The following NSD2 variants were observed in gnomAD, a reference collection of about 807,000 sequenced individuals.
NSD2 encodes the protein nuclear receptor binding SET domain protein 2.
A neutral mutation model predicts 139.0 loss-of-function variants in NSD2; 12 were observed. That is an observed-to-expected ratio of 0.09 (90% CI 0.06 to 0.14). The LOEUF (loss-of-function observed/expected upper bound fraction) is 0.14. NSD2 is among the 10% of genes least tolerant of loss of function. The pLI is 1.00. For synonymous variants in NSD2, 669 were observed against 648.7 expected (o/e 1.03, Z -0.48); for missense variants, 1,155 against 1,745.0 (o/e 0.66, Z 6.02).
At chr4:1,975,144 C>CT in intron 19 of NSD2, 140 bp downstream of exon 19, 1 of 1,460,148 alleles carries the variant, frequency 6.8e-7, no homozygotes, top group East Asian at 2.3e-5. Context: ...TTGAATATCT[C>CT]TTTTACCAAG....
Position 1,892,598 on chromosome 4 carries a change from C to T in NSD2, c.-29-8028C>T, listed in dbSNP as rs563347541. ...TTTTTTTTTTTGAGACGGAGTCTTGCCCTGTCGCCCAGGCTGGAGTGTAGT... is the reference window on the plus strand; with the variant it reads ...TTTTTTTTTTTGAGACGGAGTCTTGTCCTGTCGCCCAGGCTGGAGTGTAGT... On this transcript the variant is annotated intron_variant, in intron 1 of 21. Coordinates refer to ENST00000508803, the MANE Select transcript of NSD2 (RefSeq NM_001042424.3). Among the ~76,000 whole-genome samples, 214 of 152,048 alleles carry T rather than the reference C, an allele frequency of 1.4e-3. 3 individuals are homozygous for T. The highest frequency in any genetic ancestry group is 0.014 in the South Asian group (65 of 4,812).
chr4:1,943,481 T>C, intron 9 of NSD2: 1 of 1,045,782 alleles, frequency 9.6e-7, no homozygotes, highest in Non-Finnish European at 1.2e-6. Flanking sequence ...TGCTTTGGCA[T>C]GAAAAGTGGT....
At chr4:1,899,837 A>C (rs1374980325) in intron 1 of NSD2, among the ~76,000 whole-genome samples, 1 of 152,222 alleles carries the variant, frequency 6.6e-6, no homozygotes, top group Non-Finnish European at 1.5e-5. Flanking sequence ...GTGGCTCAGC[A>C]GTGTTGTTCT....
At chr4:1,925,130 G>C (rs1720695661) in intron 5 of NSD2, among the ~76,000 whole-genome samples, 1 of 152,178 alleles carries the variant, frequency 6.6e-6, no homozygotes, top group East Asian at 1.9e-4. Context: ...TTCTAAACTT[G>C]AGGAAGCTCC....
At chr4:1,889,124 C>G (rs1223383564) in intron 1 of NSD2, among the ~76,000 whole-genome samples, 1 of 152,056 alleles carries the variant, frequency 6.6e-6, no homozygotes, top group Non-Finnish European at 1.5e-5. Context: ...TCTGGAACTC[C>G]TGACCTCAGG....
In NSD2 at chr4:1,918,565, G is replaced by A. The variant is rs528156709; in HGVS notation, c.1352G>A (p.Ser451Asn). The change falls in exon 5 of 22, where the codon AGC (serine) becomes AAC (asparagine). Residue 451 changes from serine (S) to asparagine (N), a missense_variant. Ser to Asn is a conservative substitution (Grantham distance 46). Transcript: ENST00000508803. ...RKKTTVSMPRSRKGDAASQFL... is the reference protein window; with the variant it reads ...RKKTTVSMPRNRKGDAASQFL... Reference sequence around the variant, plus strand: ...AAGACCACAGTCTCCATGCCACGAAGCAGGAAGGGAGATGCAGCATCCCAG... The same window carrying A: ...AAGACCACAGTCTCCATGCCACGAAACAGGAAGGGAGATGCAGCATCCCAG... 3.7e-6 allele frequency: 6 copies of A among 1,613,968 alleles called. No individual in the cohort carries two copies. The East Asian group carries it at 1.1e-4, about 30-fold the overall frequency.
In NSD2 at chr4:1,872,591, T is replaced by TGTGTGTGTGAGAGAGA. The variant is rs1281608141; in HGVS notation, c.-30+1050_-30+1051insTGTGTGTGAGAGAGAG. ...GTGTGTGTGTGTGTGTGTGTGTGTG[T>TGTGTGTGTGAGAGAGA]GAGAGAGAGAGAGAGAGAGAGAGAG... is the stretch of plus-strand genomic sequence containing the variant. On this transcript the variant is annotated intron_variant, in intron 1 of 21. Coordinates refer to ENST00000508803, the MANE Select transcript of NSD2 (RefSeq NM_001042424.3). Among the ~76,000 whole-genome samples the TGTGTGTGTGAGAGAGA allele has an allele frequency of 5.3e-4, 24 of 44,888 alleles. 1 individual carries two copies. Among genetic ancestry groups the TGTGTGTGTGAGAGAGA allele is most frequent in the Admixed American group, 4.1e-3 (12 of 2,900 alleles). The allele number at this position is 44,888 out of a possible 152,430, so 29.4% of individuals were successfully genotyped here. A position where few individuals can be genotyped will look rare whatever the true frequency, so the allele number is the denominator to read the frequency against.
chr4:1,909,841 A>C (rs1718427772), intron 3 of NSD2, among the ~76,000 whole-genome samples: 1 of 151,762 alleles, frequency 6.6e-6, no homozygotes, highest in Non-Finnish European at 1.5e-5. Context: ...GGGTTTCACC[A>C]TGTTGGCCAG....
rs758400374 is a variant in NSD2 at position 1,916,953 on chromosome 4, C to G, written c.843C>G (p.Leu281=). 1.9e-6 allele frequency: 3 copies of G among 1,613,962 alleles called. No individual in the cohort carries two copies. The highest frequency in any genetic ancestry group is 2.5e-6 in the Non-Finnish European group (3 of 1,180,008). Residue 281 remains leucine (L), a synonymous_variant, in exon 4 of 22, where the codon CTC becomes CTG. Transcript: ENST00000508803. Reference sequence around the variant, plus strand: ...GAGCTTGGATATTTGAGAAGAGCCTCGTAGCTTTTGAAGGAGAAGGACAGT... The same window carrying G: ...GAGCTTGGATATTTGAGAAGAGCCTGGTAGCTTTTGAAGGAGAAGGACAGT... The part of the protein sequence containing the change: ...PERAWIFEKS[L]VAFEGEGQFE...
intron 6 of NSD2, among the ~76,000 whole-genome samples, chr4:1,934,900 T>TATATAA (rs1722191888): frequency 8.7e-6 from 1 of 114,340 alleles, no homozygotes; most frequent in African/African-American, 3.4e-5. Context: ...TATATATATA[T>TATATAA]ATATATATAA....
chr4:1,945,785 A>ATGGAG, intron 9 of NSD2: 4 of 1,064,392 alleles, frequency 3.8e-6, no homozygotes, highest in Non-Finnish European at 4.6e-6. Context: ...TGAGACGTGC[A>ATGGAG]TGGAGGGCTG....
At position 1,935,229 on chromosome 4, in the gene NSD2, A is replaced by G. The variant is rs1282860078; in HGVS notation, c.1641A>G (p.Lys547=). 5 of 1,613,548 alleles carry G rather than the reference A, an allele frequency of 3.1e-6. No homozygotes were observed. The highest frequency in any genetic ancestry group is 4.2e-6 in the Non-Finnish European group (5 of 1,179,664). ...EDAEAEDTPR[K]RLRTDKHSLR... is the part of the protein sequence containing the mutation. ...CTGAAGCTGAGGACACACCCAGGAA[A>G]AGACTCAGGACGGACAAGCACAGTC... The change falls in exon 7 of 22, where the codon AAA becomes AAG. Residue 547 remains lysine, a synonymous_variant. Coordinates refer to ENST00000508803, the MANE Select transcript of NSD2 (RefSeq NM_001042424.3).
rs1725014858 is a variant in NSD2 at position 1,958,111 on chromosome 4, C to T, written c.2985+75C>T. 2 of 1,460,440 alleles carry T rather than the reference C, an allele frequency of 1.4e-6. No individual in the cohort carries two copies. The highest frequency in any genetic ancestry group is 2.3e-5 in the East Asian group (1 of 43,588). The allele number at this position is 1,460,440 out of a possible 1,614,324, so 90.5% of individuals were successfully genotyped here. On this transcript the variant is annotated intron_variant, in intron 16 of 21. Coordinates refer to ENST00000508803, the MANE Select transcript of NSD2 (RefSeq NM_001042424.3). The surrounding 1 kb of genome is among the most constrained non-coding windows in gnomAD (Gnocchi z 4.6). ...GGCCGTGAGAGGTTCTTAGGCACAC[C>T]CAGGCTATGGCTGGGGAGAGGACTG...
intron 1 of NSD2, among the ~76,000 whole-genome samples, chr4:1,872,639 C>CGAGCGA (rs1322527631): frequency 5.9e-5 from 3 of 50,642 alleles, no homozygotes; most frequent in East Asian, 6.4e-4. Context: ...AGAGAGAGCG[C>CGAGCGA]GCAGACCCTG....
Position 1,959,722 on chromosome 4 carries a change from C to G in NSD2, c.3237C>G (p.Ala1079=). The part of the protein sequence containing the change: ...KTDGKGWGLV[A]KRDIRKGEFV... ...ATGGCAAAGGGTGGGGCCTGGTCGC[C>G]AAGAGGGACATCAGAAAGGTATGTG... is the stretch of plus-strand genomic sequence containing the variant. The change falls in exon 17 of 22, where the codon GCC becomes GCG. Residue 1079 remains alanine, a synonymous_variant. Transcript: ENST00000508803. The G allele has an allele frequency of 1.2e-6, 2 of 1,613,880 alleles. No homozygotes were observed. The highest frequency in any genetic ancestry group is 1.7e-6 in the Non-Finnish European group (2 of 1,179,880).
intron 4 of NSD2, among the ~76,000 whole-genome samples, chr4:1,917,891 A>C: frequency 1.4e-5 from 2 of 143,610 alleles, no homozygotes; most frequent in African/African-American, 2.6e-5. Context: ...AGTGATTCTC[A>C]TGTCTCAGCC....
At chr4:1,875,382 A>G (rs1270024611) in intron 1 of NSD2, among the ~76,000 whole-genome samples, 2 of 150,698 alleles carry the variant, frequency 1.3e-5, no homozygotes, top group African/African-American at 2.4e-5. Context: ...CCTGGGCTCA[A>G]TCGATCCTCC....
At position 1,901,140 on chromosome 4, in the gene NSD2, A is replaced by G; in HGVS notation, c.486A>G (p.Glu162=). Residue 162 remains glutamate, a synonymous_variant, in exon 2 of 22, where the codon GAA becomes GAG. Coordinates refer to ENST00000508803, the MANE Select transcript of NSD2 (RefSeq NM_001042424.3). ...CAGAAGAAAATGGACAAAAACCAGA[A>G]AACAAGGCGAGAAGGAACAGGAAGA... The part of the protein sequence containing the change: ...SQSEENGQKP[E]NKARRNRKRS... The G allele has an allele frequency of 6.2e-7, 1 of 1,614,234 alleles. No homozygotes were observed. The highest frequency in any genetic ancestry group is 8.5e-7 in the Non-Finnish European group (1 of 1,180,044).
intron 3 of NSD2, among the ~76,000 whole-genome samples, chr4:1,908,162 A>G (rs1718189753): frequency 6.6e-6 from 1 of 152,188 alleles, no homozygotes; most frequent in South Asian, 2.1e-4. Context: ...AGCTTCTGCT[A>G]GTCTAGAACA....
Sources: gnomAD v4.1 joint callset for allele counts (sites outside exome capture counted in the v4.1 genomes callset) on GRCh38, gnomAD v4.1.1 for gene constraint, Gnocchi (gnomAD v3.1) non-coding constraint, MANE v1.5 for transcripts, NCBI Gene and HGNC (gene_info 2026-07-23, HGNC 2026-07-21) for gene names.